The following SLC26A7 variants were observed in gnomAD, a reference collection of about 807,000 sequenced individuals.
SLC26A7 encodes the protein anion exchange transporter.
A neutral mutation model predicts 82.5 loss-of-function variants in SLC26A7; 59 were observed. The ratio of observed to expected loss-of-function variants is 0.72; its 90% CI spans 0.58 to 0.89. The LOEUF is 0.89. SLC26A7 is among the 40% of genes least tolerant of loss of function. The probability of loss-of-function intolerance (pLI) is 0.00; values close to 1 mark genes in which losing one functional copy is unlikely to be tolerated. For missense variants in SLC26A7, 820 were observed against 793.0 expected (o/e 1.03, Z -0.41); for synonymous variants, 271 against 274.3 (o/e 0.99, Z 0.12).
intron 1 of SLC26A7, among the ~76,000 whole-genome samples, chr8:91,217,549 A>C (rs918528366): frequency 1.3e-5 from 2 of 152,128 alleles, no homozygotes; most frequent in Non-Finnish European, 2.9e-5. Flanking sequence ...CTTACCCCAG[A>C]CTAATCACCA....
intron 15 of SLC26A7, among the ~76,000 whole-genome samples, chr8:91,372,497 T>G (rs1472790198): frequency 6.6e-6 from 1 of 151,760 alleles, no homozygotes; most frequent in African/African-American, 2.4e-5. Flanking sequence ...AATCCTTTCT[T>G]CATTTTTAAT....
In SLC26A7 at chr8:91,394,098, G is replaced by A. The variant is rs1007673671; in HGVS notation, c.1935+59G>A. On this transcript the variant is annotated intron_variant, in intron 18 of 18. Transcript: ENST00000276609. ...AGAATATTCAGAATATAGAATCGAA[G>A]CTTTGCATCTTTTATATTAGCTTAT... 3.1e-6 allele frequency: 5 copies of A among 1,589,592 alleles called. No homozygotes were observed. In the African/African-American group the frequency reaches 6.8e-5, roughly 21 times the overall value.
chr8:91,329,990 A>G (rs1813034114), intron 5 of SLC26A7, among the ~76,000 whole-genome samples: 1 of 152,182 alleles, frequency 6.6e-6, no homozygotes, highest in South Asian at 2.1e-4. Flanking sequence ...GAAAAATGTC[A>G]TCTGCATCTA....
At chr8:91,374,013 G>A (rs137951499) in intron 15 of SLC26A7, among the ~76,000 whole-genome samples, 118 of 151,926 alleles carry the variant, frequency 7.8e-4, no homozygotes, top group African/African-American at 2.5e-3. Flanking sequence ...TTGTGTGCAT[G>A]GAGATGGTCA....
At chr8:91,353,875 A>C (rs914619812) in intron 11 of SLC26A7, among the ~76,000 whole-genome samples, 7 of 152,184 alleles carry the variant, frequency 4.6e-5, no homozygotes, top group African/African-American at 1.4e-4. Context: ...CTCTCTAGAC[A>C]GTTATTTGTG....
At chr8:91,226,732 G>C (rs1810245011) in intron 2 of SLC26A7, among the ~76,000 whole-genome samples, 1 of 152,214 alleles carries the variant, frequency 6.6e-6, no homozygotes, top group Non-Finnish European at 1.5e-5. Flanking sequence ...TGAAGTAAAA[G>C]GGGATCCAGA....
At chr8:91,281,668 A>G (rs565083591) in intron 2 of SLC26A7, among the ~76,000 whole-genome samples, 30 of 152,230 alleles carry the variant, frequency 2.0e-4, no homozygotes, top group African/African-American at 7.2e-4. Context: ...CAAGGTATAT[A>G]TGTATGTGGA....
intron 3 of SLC26A7, among the ~76,000 whole-genome samples, chr8:91,293,575 G>A (rs900092648): frequency 2.0e-5 from 3 of 152,160 alleles, no homozygotes; most frequent in African/African-American, 7.2e-5. Flanking sequence ...CTCTCTGGAG[G>A]TGTTCTTGAA....
chr8:91,213,150 G>T (rs1394057142), intron 1 of SLC26A7, among the ~76,000 whole-genome samples: 3 of 152,136 alleles, frequency 2.0e-5, no homozygotes, highest in South Asian at 2.1e-4. Context: ...TATGCAGGGG[G>T]TGCTGTGGGA....
At chr8:91,376,031 C>T (rs1043531081) in intron 15 of SLC26A7, among the ~76,000 whole-genome samples, 1 of 151,988 alleles carries the variant, frequency 6.6e-6, no homozygotes, top group African/African-American at 2.4e-5. Context: ...ATTATTAAAG[C>T]TTTCAAATGT....
chr8:91,341,932 T>C (rs1332441650), intron 8 of SLC26A7, among the ~76,000 whole-genome samples: 1 of 152,140 alleles, frequency 6.6e-6, no homozygotes, highest in African/African-American at 2.4e-5. Flanking sequence ...TTATTTATTT[T>C]AATTTTTGTT....
chr8:91,243,268 A>G (rs1810498046), intron 2 of SLC26A7, among the ~76,000 whole-genome samples: 1 of 152,136 alleles, frequency 6.6e-6, no homozygotes, highest in South Asian at 2.1e-4. Flanking sequence ...GACTAGATTT[A>G]CCCTCCTGCT....
intron 15 of SLC26A7, among the ~76,000 whole-genome samples, chr8:91,386,359 A>G (rs898029837): frequency 6.6e-6 from 1 of 152,172 alleles, no homozygotes; most frequent in African/African-American, 2.4e-5. Context: ...TAAGTTAAAT[A>G]TGAATGCTAA....
At position 91,351,837 on chromosome 8, in the gene SLC26A7, G is replaced by A. The variant is rs371678026; in HGVS notation, c.1168G>A (p.Val390Ile). 214 of 1,611,622 alleles carry A rather than the reference G, an allele frequency of 1.3e-4. 2 individuals carry two copies. The highest frequency in any genetic ancestry group is 1.2e-3 in the African/African-American group (90 of 74,750). Reference sequence around the variant, plus strand: ...GGCTTGTCTAATATCTTGCATTTTCGTCCTTATAGTCATCTATGCAATAGG... The same window carrying A: ...GGCTTGTCTAATATCTTGCATTTTCATCCTTATAGTCATCTATGCAATAGG... ...QVACLISCIF[V>I]LIVIYAIGPL... is the part of the protein sequence containing the mutation. Residue 390 changes from valine to isoleucine, a missense_variant, in exon 10 of 19, where the codon GTC becomes ATC. Val to Ile is a conservative substitution (Grantham distance 29, BLOSUM62 3). Transcript: ENST00000276609.
upstream of SLC26A7, among the ~76,000 whole-genome samples, chr8:91,245,079 T>C (rs1228725098): frequency 2.6e-5 from 4 of 152,216 alleles, no homozygotes; most frequent in East Asian, 3.9e-4. Context: ...AATTAACTTA[T>C]ATATGTGCGT....
At chr8:91,280,311 T>C (rs1811534950) in intron 2 of SLC26A7, among the ~76,000 whole-genome samples, 1 of 152,224 alleles carries the variant, frequency 6.6e-6, no homozygotes. Flanking sequence ...ATATGTAAGA[T>C]TTAGGACTTA....
At chr8:91,308,079 T>G (rs1812372673) in intron 4 of SLC26A7, among the ~76,000 whole-genome samples, 1 of 152,140 alleles carries the variant, frequency 6.6e-6, no homozygotes, top group Admixed American at 6.5e-5. Context: ...GTCCTGTCTT[T>G]CTTCAGTTTC....
Position 91,340,490 on chromosome 8 carries a change from C to A in SLC26A7, c.965C>A (p.Ala322Asp). ...GGAGTGGCACTTGTAGGCTATGTGG[C>A]CTCACTGGCTCTTGCTCAAGGATCT... The part of the protein sequence containing the change: ...AFGVALVGYV[A>D]SLALAQGSAK... The change falls in exon 8 of 19, where the codon GCC becomes GAC. Residue 322 changes from alanine to aspartate, a missense_variant. Transcript: ENST00000276609. 1 of 1,613,906 alleles carries A rather than the reference C, an allele frequency of 6.2e-7. No homozygotes were observed. The highest frequency in any genetic ancestry group is 8.5e-7 in the Non-Finnish European group (1 of 1,179,930).
At chr8:91,301,369 C>A (rs908745969) in intron 4 of SLC26A7, among the ~76,000 whole-genome samples, 2 of 152,058 alleles carry the variant, frequency 1.3e-5, no homozygotes, top group Non-Finnish European at 2.9e-5. Context: ...AAGATAATTT[C>A]TTGATGATCC....
Sources: allele counts gnomAD v4.1 joint callset (sites outside exome capture counted in the v4.1 genomes callset), GRCh38; gene constraint gnomAD v4.1.1; transcripts MANE v1.5; gene names NCBI Gene and HGNC (gene_info 2026-07-23, HGNC 2026-07-21).